IGFL2: variants seen among roughly 807,000 people sequenced by gnomAD.
IGFL2 encodes the protein insulin growth factor-like family member 2.
Under a neutral mutation model 13.9 loss-of-function variants are expected in IGFL2, and 7 were observed. The ratio of observed to expected loss-of-function variants is 0.51; its 90% CI spans 0.29 to 0.95. The LOEUF (loss-of-function observed/expected upper bound fraction) is 0.95. Ranked by LOEUF, IGFL2 falls within the 40% of genes least tolerant of loss-of-function variation. IGFL2 has a pLI of 0.08. For missense variants in IGFL2, 138 were observed against 147.8 expected (o/e 0.93, Z 0.34); for synonymous variants, 55 against 55.8 (o/e 0.99, Z 0.07).
At chr19:46,181,646 G>A in the IGFL2 span, among the ~76,000 whole-genome samples, 2,257 of 152,292 alleles carry the variant, frequency 0.015, 38 homozygotes, top group South Asian at 0.027. Flanking sequence ...AGCTTTAGAC[G>A]TCCCTGTGAT....
At chr19:46,157,977 T>A (rs1001468125) in intron 1 of IGFL2, among the ~76,000 whole-genome samples, 1 of 152,184 alleles carries the variant, frequency 6.6e-6, no homozygotes, top group Non-Finnish European at 1.5e-5. Context: ...ATCAATCGTG[T>A]TTCTTTATAC....
the IGFL2 span, among the ~76,000 whole-genome samples, chr19:46,128,746 C>T: frequency 4.6e-5 from 7 of 152,208 alleles, no homozygotes; most frequent in East Asian, 3.9e-4. Flanking sequence ...TTCAGTTTGC[C>T]GGGATTTCTT....
the IGFL2 span, among the ~76,000 whole-genome samples, chr19:46,095,289 G>A: frequency 3.7e-3 from 569 of 152,228 alleles, 6 homozygotes; most frequent in African/African-American, 0.013. Flanking sequence ...GTGATGTTGA[G>A]CTTTTTTCCA....
rs1001640909 is a variant in IGFL2, at chr19:46,148,270, T to C, written c.-9T>C. 8 of 1,551,414 alleles carry C rather than the reference T, an allele frequency of 5.2e-6. No homozygotes were observed. The highest frequency in any genetic ancestry group is 7.0e-6 in the Non-Finnish European group (8 of 1,146,812). ...ACTGCTGCTGTCCCATCAGCTGCTC[T>C]GAAGCTCCATGGTGCCCAGAATCTT... On this transcript the variant is annotated 5_prime_UTR_variant, in exon 1 of 4. Coordinates refer to ENST00000377693, the MANE Select transcript of IGFL2 (RefSeq NM_001135113.2).
At chr19:46,190,208 T>C in the IGFL2 span, 1 of 152,132 alleles carries the variant, frequency 6.6e-6, no homozygotes, top group Non-Finnish European at 1.5e-5. Context: ...TTGACCTTGA[T>C]GGGGGGGTTG....
intron 1 of IGFL2, among the ~76,000 whole-genome samples, chr19:46,153,953 C>A (rs1054478128): frequency 4.6e-5 from 7 of 151,944 alleles, no homozygotes; most frequent in African/African-American, 1.7e-4. Flanking sequence ...GCCCCGCATG[C>A]ATTAGGTATT....
the IGFL2 span, among the ~76,000 whole-genome samples, chr19:46,089,813 A>G: frequency 2.6e-5 from 4 of 152,144 alleles, no homozygotes; most frequent in South Asian, 6.2e-4. Context: ...CAGTTTACTT[A>G]TAATATGGCT....
At chr19:46,093,799 C>T in the IGFL2 span, among the ~76,000 whole-genome samples, 1 of 151,976 alleles carries the variant, frequency 6.6e-6, no homozygotes, top group Non-Finnish European at 1.5e-5. Context: ...TCTGTTTGAA[C>T]AATTCAAATT....
the IGFL2 span, chr19:46,137,107 G>C: frequency 1.9e-6 from 3 of 1,608,208 alleles, no homozygotes. Flanking sequence ...GCCTCCCTAG[G>C]GTTGGGTTTG....
chr19:46,145,729 A>G (rs999660709), upstream of IGFL2, among the ~76,000 whole-genome samples: 2 of 151,854 alleles, frequency 1.3e-5, no homozygotes, highest in Non-Finnish European at 2.9e-5. Context: ...TTGTAGTTCC[A>G]GTATGGCTAA....
At chr19:46,210,516 A>G in the IGFL2 span, among the ~76,000 whole-genome samples, 40 of 152,298 alleles carry the variant, frequency 2.6e-4, no homozygotes, top group African/African-American at 7.5e-4. Context: ...AGGTCCCACA[A>G]TAGGCCATCT....
chr19:46,124,501 G>A, the IGFL2 span: 2 of 1,176,206 alleles, frequency 1.7e-6, no homozygotes, highest in Non-Finnish European at 1.3e-6. Flanking sequence ...CACCCTTTGA[G>A]GTGACTAGTA....
the IGFL2 span, among the ~76,000 whole-genome samples, chr19:46,085,175 G>A: frequency 1.3e-5 from 2 of 152,008 alleles, no homozygotes; most frequent in Non-Finnish European, 2.9e-5. Flanking sequence ...GCAGTGAGCC[G>A]AGATTGCGCC....
the IGFL2 span, among the ~76,000 whole-genome samples, chr19:46,194,361 C>G: frequency 1.3e-5 from 2 of 152,124 alleles, no homozygotes; most frequent in African/African-American, 4.8e-5. Flanking sequence ...TAGAAACCTC[C>G]TGTGGTATCA....
At chr19:46,168,926 GTGTGTGTGTGTGTA>G in the IGFL2 span, among the ~76,000 whole-genome samples, 7 of 151,738 alleles carry the variant, frequency 4.6e-5, no homozygotes, top group African/African-American at 1.5e-4. Flanking sequence ...ATGTGTGTGT[GTGTGTGTGTGTGTA>G]TGTGTATGTG....
chr19:46,098,765 T>G, the IGFL2 span, among the ~76,000 whole-genome samples: 2 of 152,126 alleles, frequency 1.3e-5, no homozygotes, highest in Non-Finnish European at 2.9e-5. Flanking sequence ...ACAACATGCA[T>G]GAACCACTGT....
the IGFL2 span, among the ~76,000 whole-genome samples, chr19:46,114,492 A>G: frequency 6.6e-5 from 10 of 152,098 alleles, no homozygotes; most frequent in South Asian, 2.1e-4. Flanking sequence ...TATTAAAGTC[A>G]TGGGTGCTGA....
chr19:46,208,301 T>C, the IGFL2 span: 1 of 152,272 alleles, frequency 6.6e-6, no homozygotes, highest in Admixed American at 6.5e-5. Context: ...CCAGGGCAGA[T>C]AGAGTCTCCC....
the IGFL2 span, among the ~76,000 whole-genome samples, chr19:46,175,144 A>G: frequency 6.6e-6 from 1 of 152,200 alleles, no homozygotes; most frequent in Non-Finnish European, 1.5e-5. Context: ...GTCTCTGAAA[A>G]CTAATAATGT....
Sources: gnomAD v4.1 joint callset for allele counts (sites outside exome capture counted in the v4.1 genomes callset) on GRCh38, gnomAD v4.1.1 for gene constraint, MANE v1.5 for transcripts, NCBI Gene and HGNC (gene_info 2026-07-23, HGNC 2026-07-21) for gene names.